HNRNPM: variants seen among roughly 807,000 people sequenced by gnomAD.
HNRNPM encodes the protein heterogeneous nuclear ribonucleoprotein M.
A neutral mutation model predicts 73.1 loss-of-function variants in HNRNPM; 11 were observed. That is an observed-to-expected ratio of 0.15 (90% CI 0.09 to 0.25). HNRNPM has a LOEUF of 0.25. Ranked by LOEUF, HNRNPM falls within the 10% of genes least tolerant of loss-of-function variation. The pLI is 1.00. For missense variants in HNRNPM, 789 were observed against 1,067.9 expected (o/e 0.74, Z 3.64); for synonymous variants, 407 against 355.2 (o/e 1.15, Z -1.64).
intron 1 of HNRNPM, among the ~76,000 whole-genome samples, chr19:8,450,380 T>G (rs562908845): frequency 6.6e-6 from 1 of 152,318 alleles, no homozygotes; most frequent in East Asian, 1.9e-4. Flanking sequence ...GGTGGTGGTC[T>G]TTTGCAGATT....
rs574943160 is a variant in HNRNPM, at chr19:8,481,173, C to A, written c.1121-1985C>A. Among the ~76,000 whole-genome samples the A allele has an allele frequency of 7.2e-5, 11 of 152,316 alleles. No homozygotes were observed. The South Asian group carries it at 1.2e-3, about 17-fold the overall frequency. ...GTGCAAACAGCTGTACTTGCTGCTTCAAAAATTTGGATAGGCCTGTGGTCT... is the reference window on the plus strand; with the variant it reads ...GTGCAAACAGCTGTACTTGCTGCTTAAAAAATTTGGATAGGCCTGTGGTCT... On this transcript the variant is annotated intron_variant, in intron 12 of 15. Coordinates refer to ENST00000325495, the MANE Select transcript of HNRNPM (RefSeq NM_005968.5).
chr19:8,486,003 G>T lies in HNRNPM; in HGVS notation c.1575G>T (p.Met525Ile), dbSNP rs1382486245. ...VERMGPAIER[M>I]GLSMERMVPA... ...GCATGGGCCCTGCCATCGAGCGCAT[G>T]GGCCTGAGCATGGAGCGCATGGTGC... The change falls in exon 14 of 16, where the codon ATG becomes ATT. Residue 525 changes from methionine to isoleucine, a missense_variant. Physicochemically the swap from Met to Ile is conservative, Grantham distance 10 (BLOSUM62 1). This residue lies in a region of HNRNPM where 604 missense variants were observed against 744.0 expected (regional missense o/e 0.81). Coordinates refer to ENST00000325495, the MANE Select transcript of HNRNPM (RefSeq NM_005968.5). The T allele has an allele frequency of 1.2e-6, 2 of 1,606,578 alleles. No homozygotes were observed. Among genetic ancestry groups the T allele is most frequent in the Non-Finnish European group, 8.5e-7 (1 of 1,179,356 alleles).
At chr19:8,448,657 T>G (rs1968392815) in intron 1 of HNRNPM, among the ~76,000 whole-genome samples, 1 of 151,106 alleles carries the variant, frequency 6.6e-6, no homozygotes, top group Non-Finnish European at 1.5e-5. Context: ...TTTTTAATAT[T>G]TTTTTTTAGT....
chr19:8,474,946 T>A (rs1970401333), intron 12 of HNRNPM, among the ~76,000 whole-genome samples: 1 of 152,128 alleles, frequency 6.6e-6, no homozygotes, highest in African/African-American at 2.4e-5. Flanking sequence ...AACTCCTGAC[T>A]TCATGTGATC....
chr19:8,448,561 ACCGCTT>A (rs1233480553), intron 1 of HNRNPM, among the ~76,000 whole-genome samples: 1 of 150,956 alleles, frequency 6.6e-6, no homozygotes, highest in Non-Finnish European at 1.5e-5. Context: ...AGCTCCGTGA[ACCGCTT>A]CCCGGGTTCA....
intron 1 of HNRNPM, among the ~76,000 whole-genome samples, chr19:8,453,609 T>C (rs973906516): frequency 2.0e-5 from 3 of 152,128 alleles, no homozygotes; most frequent in African/African-American, 7.2e-5. Flanking sequence ...GGTTTTGTCA[T>C]GGATTACAAA....
chr19:8,486,338 C>A lies in HNRNPM; in HGVS notation c.1910C>A (p.Ser637Tyr). The part of the protein sequence containing the change: ...RGNFGGSFAG[S>Y]FGGAGGHAPG... ...AACTTCGGAGGAAGCTTCGCAGGTT[C>A]CTTTGGTGGAGCTGGAGGCCATGCT... The change falls in exon 14 of 16, where the codon TCC becomes TAC. Residue 637 changes from serine (S) to tyrosine (Y), a missense_variant. Physicochemically the swap from Ser to Tyr is moderately radical, Grantham distance 144. Around this residue, in one of 4 missense-constraint regions of HNRNPM, gnomAD observed 604 missense variants for 744.0 expected, o/e 0.81. Transcript: ENST00000325495. 6.3e-7 allele frequency: 1 copy of A among 1,598,998 alleles called. No homozygotes were observed. The highest frequency in any genetic ancestry group is 1.1e-5 in the South Asian group (1 of 91,020).
rs1970378035 is a variant in HNRNPM, at chr19:8,474,620, GTC to G, written c.1120+378_1120+379del. Among the ~76,000 whole-genome samples the G allele has an allele frequency of 2.0e-5, 3 of 151,964 alleles. No homozygotes were observed. The South Asian group carries it at 6.2e-4, about 32-fold the overall frequency. On this transcript the variant is annotated intron_variant, in intron 12 of 15. Coordinates refer to ENST00000325495, the MANE Select transcript of HNRNPM (RefSeq NM_005968.5). ...TGGTCATCTGCCCCAGCTACAAGTT[GTC>G]TATAGAGGCGTTAATAAAAATCACA...
rs1043922407 is a variant in HNRNPM, at chr19:8,481,347, G to C, written c.1121-1811G>C. The C allele has an allele frequency of 2.6e-5, 4 of 152,930 alleles. No individual in the cohort carries two copies. In the Admixed American group the frequency reaches 2.6e-4, roughly 10 times the overall value. The allele number at this position is 152,930 out of a possible 1,614,324, so 9.5% of individuals were successfully genotyped here. ...CTCAGGGCATTGGCTCTGCTAGGGG[G>C]CTCAGCAGGCTTGGCACAGGCAGCA... On this transcript the variant is annotated intron_variant, in intron 12 of 15. Transcript: ENST00000325495.
At chr19:8,472,622 A>G (rs1307783417) in intron 10 of HNRNPM, among the ~76,000 whole-genome samples, 2 of 152,246 alleles carry the variant, frequency 1.3e-5, no homozygotes, top group African/African-American at 4.8e-5. Context: ...CTTGTTGCCC[A>G]GGCTGGAGTG....
At chr19:8,484,892 C>T (rs1325788106) in intron 13 of HNRNPM, among the ~76,000 whole-genome samples, 1 of 152,114 alleles carries the variant, frequency 6.6e-6, no homozygotes, top group Non-Finnish European at 1.5e-5. Flanking sequence ...GCTGACTGAC[C>T]CCCAGCCGCT....
Position 8,466,227 on chromosome 19 carries a change from T to C in HNRNPM, c.631-8T>C, listed in dbSNP as rs1490255223. 1 of 1,610,374 alleles carries C rather than the reference T, an allele frequency of 6.2e-7. No homozygotes were observed. The highest frequency in any genetic ancestry group is 8.5e-7 in the Non-Finnish European group (1 of 1,178,948). ...ATTGAGGTTTTTACCCCGTTCTCTC[T>C]CGATTAGCTGGATTATAAAGTTGGC... On this transcript the variant is annotated splice_polypyrimidine_tract_variant and splice_region_variant and intron_variant, in intron 6 of 15. Coordinates refer to ENST00000325495, the MANE Select transcript of HNRNPM (RefSeq NM_005968.5).
At chr19:8,477,660 C>CAAAAAAAAAAAAAAAAAAA (rs35193948) in intron 12 of HNRNPM, among the ~76,000 whole-genome samples, 1 of 117,094 alleles carries the variant, frequency 8.5e-6, no homozygotes, top group African/African-American at 3.7e-5. Flanking sequence ...AACCCTGTCT[C>CAAAAAAAAAAAAAAAAAAA]AAAAAAAAAA....
rs1969476966 is a variant in HNRNPM at position 8,462,637 on chromosome 19, A to G, written c.336+56A>G. 8 of 1,373,008 alleles carry G rather than the reference A, an allele frequency of 5.8e-6. No homozygotes were observed. Among genetic ancestry groups the G allele is most frequent in the South Asian group, 3.5e-5 (3 of 86,230 alleles). The allele number at this position is 1,373,008 out of a possible 1,614,324, so 85.1% of individuals were successfully genotyped here. Reference sequence around the variant, plus strand: ...TTTACTACATGAAAAATGTAACTGTATGGTGGCGTGGAATCGAATGAAATC... The same window carrying G: ...TTTACTACATGAAAAATGTAACTGTGTGGTGGCGTGGAATCGAATGAAATC... On this transcript the variant is annotated intron_variant, in intron 3 of 15. Transcript: ENST00000325495. The surrounding 1 kb of genome is among the most constrained non-coding windows in gnomAD (Gnocchi z 4.5).
At chr19:8,472,904 AT>A (rs1384219679) in intron 10 of HNRNPM, among the ~76,000 whole-genome samples, 1 of 152,196 alleles carries the variant, frequency 6.6e-6, no homozygotes, top group Non-Finnish European at 1.5e-5. Flanking sequence ...CTTAAAAAAA[AT>A]CTACTTCTGT....
chr19:8,451,052 G>A (rs1229122221), intron 1 of HNRNPM, among the ~76,000 whole-genome samples: 6 of 151,998 alleles, frequency 3.9e-5, no homozygotes, highest in Admixed American at 1.3e-4. Flanking sequence ...GATTACAGGC[G>A]CCTGCCACCA....
chr19:8,480,360 A>AT (rs60483601), intron 12 of HNRNPM, among the ~76,000 whole-genome samples: 1 of 146,522 alleles, frequency 6.8e-6, no homozygotes, highest in Admixed American at 6.8e-5. Context: ...AAAAAAAAAA[A>AT]TTAAAACTTA....
intron 1 of HNRNPM, among the ~76,000 whole-genome samples, chr19:8,453,875 T>G (rs927986966): frequency 9.8e-5 from 15 of 152,294 alleles, no homozygotes; most frequent in Middle Eastern, 6.8e-3. Flanking sequence ...CTAGAGATGG[T>G]TAGTGTTAAC....
At chr19:8,483,318 G>A in intron 13 of HNRNPM, 107 bp downstream of exon 13, 7 of 826,108 alleles carry the variant, frequency 8.5e-6, no homozygotes, top group Non-Finnish European at 1.4e-5. Context: ...AGACTGCCCG[G>A]GGTGGGAGCA....
Sources: gnomAD v4.1 joint callset for allele counts (sites outside exome capture counted in the v4.1 genomes callset) on GRCh38, gnomAD v4.1.1 for gene constraint, gnomAD v4.1.1 regional missense constraint, Gnocchi (gnomAD v3.1) non-coding constraint, MANE v1.5 for transcripts, NCBI Gene and HGNC (gene_info 2026-07-23, HGNC 2026-07-21) for gene names.